The following ATXN7L1 variants were observed in gnomAD, a reference collection of about 807,000 sequenced individuals.
ATXN7L1 encodes ataxin-7-like protein 1.
Under a neutral mutation model 70.8 loss-of-function variants are expected in ATXN7L1, and 15 were observed. The observed-to-expected ratio is 0.21, with a 90% CI of 0.14 to 0.33. The LOEUF is 0.33. ATXN7L1 is among the 10% of genes least tolerant of loss of function. The pLI is 1.00. For missense variants in ATXN7L1, 975 were observed against 1,097.1 expected, an observed-to-expected ratio of 0.89 and a Z score of 1.57; for synonymous variants, 440 against 445.1, an observed-to-expected ratio of 0.99 and a Z score of 0.14.
intron 2 of ATXN7L1, among the ~76,000 whole-genome samples, chr7:105,820,333 T>A (rs1215714394): frequency 6.6e-6 from 1 of 152,184 alleles, no homozygotes; most frequent in East Asian, 1.9e-4. Context: ...GATAGCTTAG[T>A]GACTTTCTAG....
At chr7:105,821,055 T>C (rs1810072854) in intron 2 of ATXN7L1, among the ~76,000 whole-genome samples, 2 of 152,200 alleles carry the variant, frequency 1.3e-5, no homozygotes, top group South Asian at 2.1e-4. Flanking sequence ...TGTTTGTTTT[T>C]TCAGACGGAG....
intron 3 of ATXN7L1, among the ~76,000 whole-genome samples, chr7:105,771,832 T>C (rs1028614038): frequency 6.6e-6 from 1 of 152,014 alleles, no homozygotes; most frequent in African/African-American, 2.4e-5. Flanking sequence ...AACATATAGA[T>C]TTTAGAAATA....
chr7:105,865,501 A>C (rs948812308), intron 2 of ATXN7L1, among the ~76,000 whole-genome samples: 4 of 151,822 alleles, frequency 2.6e-5, no homozygotes, highest in African/African-American at 9.7e-5. Context: ...TCCCGGGTTC[A>C]AGTGATTCTC....
intron 2 of ATXN7L1, among the ~76,000 whole-genome samples, chr7:105,817,075 T>C (rs1442656111): frequency 6.6e-6 from 1 of 152,238 alleles, no homozygotes; most frequent in Non-Finnish European, 1.5e-5. Context: ...ATTATACTGG[T>C]GTTTACTCTC....
At chr7:105,842,282 ATG>A (rs1203406883) in intron 2 of ATXN7L1, among the ~76,000 whole-genome samples, 1 of 152,152 alleles carries the variant, frequency 6.6e-6, no homozygotes, top group Non-Finnish European at 1.5e-5. Context: ...GTACAATTCA[ATG>A]TGTAATCCTC....
At chr7:105,673,297 G>C (rs1804061378) in intron 3 of ATXN7L1, among the ~76,000 whole-genome samples, 1 of 152,230 alleles carries the variant, frequency 6.6e-6, no homozygotes, top group Non-Finnish European at 1.5e-5. Flanking sequence ...ATGAATGGCT[G>C]AGCCGGCTGC....
At chr7:105,819,575 G>A in intron 2 of ATXN7L1, 4 of 1,138,400 alleles carry the variant, frequency 3.5e-6, no homozygotes, top group South Asian at 1.2e-5. Flanking sequence ...AGTAGGTACT[G>A]CTGGGCCGGA....
At chr7:105,772,468 A>C (rs2116443052) in intron 3 of ATXN7L1, among the ~76,000 whole-genome samples, 1 of 152,338 alleles carries the variant, frequency 6.6e-6, no homozygotes, top group South Asian at 2.1e-4. Context: ...AAAGATTGGA[A>C]AGAAATAAAT....
At chr7:105,731,788 G>GAAAAGAAAAGAAAAGAAAA (rs1563046451) in intron 3 of ATXN7L1, among the ~76,000 whole-genome samples, 162 of 151,140 alleles carry the variant, frequency 1.1e-3, no homozygotes, top group African/African-American at 3.8e-3. Context: ...GAAAAGAAAA[G>GAAAAGAAAAGAAAAGAAAA]AAAAGAAAAG....
chr7:105,847,639 C>G (rs187469091), intron 2 of ATXN7L1, among the ~76,000 whole-genome samples: 2 of 152,166 alleles, frequency 1.3e-5, no homozygotes, highest in African/African-American at 4.8e-5. Flanking sequence ...TAGAGATGAA[C>G]AGATCCAGGT....
At chr7:105,754,271 G>GC (rs1799537637) in intron 3 of ATXN7L1, among the ~76,000 whole-genome samples, 1 of 152,172 alleles carries the variant, frequency 6.6e-6, no homozygotes, top group Non-Finnish European at 1.5e-5. Flanking sequence ...ATCCCTGGCA[G>GC]CCCCTGGAGA....
intron 3 of ATXN7L1, among the ~76,000 whole-genome samples, chr7:105,730,163 T>C (rs1420359195): frequency 2.6e-5 from 4 of 152,146 alleles, no homozygotes; most frequent in African/African-American, 9.7e-5. Flanking sequence ...TGACAAATAC[T>C]GCCTCAAACA....
chr7:105,856,183 G>T (rs1167672331), intron 2 of ATXN7L1, among the ~76,000 whole-genome samples: 1 of 152,162 alleles, frequency 6.6e-6, no homozygotes, highest in African/African-American at 2.4e-5. Context: ...CTTATGTGGG[G>T]TTTACACCTG....
At chr7:105,814,027 C>T (rs1052874754) in intron 2 of ATXN7L1, among the ~76,000 whole-genome samples, 3 of 152,178 alleles carry the variant, frequency 2.0e-5, no homozygotes, top group African/African-American at 7.2e-5. Context: ...TTTCACCTTA[C>T]ACAAAAGCTG....
chr7:105,750,015 C>T (rs549117486), intron 3 of ATXN7L1, among the ~76,000 whole-genome samples: 2 of 151,912 alleles, frequency 1.3e-5, no homozygotes, highest in East Asian at 3.9e-4. Context: ...AACAGCTGTA[C>T]CCCACAGGAA....
At chr7:105,698,623 G>A (rs1019401647) in intron 3 of ATXN7L1, among the ~76,000 whole-genome samples, 2 of 152,194 alleles carry the variant, frequency 1.3e-5, no homozygotes, top group African/African-American at 4.8e-5. Flanking sequence ...CTCCCAAAGT[G>A]CTGAGATTAA....
At chr7:105,856,065 G>A (rs1371628779) in intron 2 of ATXN7L1, among the ~76,000 whole-genome samples, 1 of 152,128 alleles carries the variant, frequency 6.6e-6, no homozygotes, top group Non-Finnish European at 1.5e-5. Flanking sequence ...CCATTATTCA[G>A]TTCAGCAAGA....
chr7:105,643,106 T>C lies in ATXN7L1; in HGVS notation c.594A>G (p.Val198=), dbSNP rs1199617554. Residue 198 remains valine, a synonymous_variant, in exon 5 of 12, where the codon GTA becomes GTG. Transcript: ENST00000419735. The part of the protein sequence containing the change: ...SRDKPCVPVP[V]VSLEKIPNLV... ...GGTTAGGAATTTTCTCTAAACTGAC[T>C]ACAGGAACTGGAACACTGAAAAATA... 7.2e-6 allele frequency: 11 copies of C among 1,525,588 alleles called. No homozygotes were observed. Among genetic ancestry groups the C allele is most frequent in the Non-Finnish European group, 9.7e-6 (11 of 1,132,056 alleles). The allele number at this position is 1,525,588 out of a possible 1,614,324, so 94.5% of individuals were successfully genotyped here.
chr7:105,745,033 C>T (rs1047034317), intron 3 of ATXN7L1, among the ~76,000 whole-genome samples: 4 of 152,012 alleles, frequency 2.6e-5, no homozygotes, highest in Non-Finnish European at 2.9e-5. Flanking sequence ...CCACTGTGCC[C>T]GGCCAACAAC....
Sources: gnomAD v4.1 joint callset for allele counts (sites outside exome capture counted in the v4.1 genomes callset) on GRCh38, gnomAD v4.1.1 for gene constraint, MANE v1.5 for transcripts, NCBI Gene and HGNC (gene_info 2026-07-23, HGNC 2026-07-21) for gene names.